RIMS1: variants seen among roughly 807,000 people sequenced by gnomAD.
RIMS1 encodes the protein regulating synaptic membrane exocytosis protein 1.
Under a neutral mutation model 214.1 loss-of-function variants are expected in RIMS1, and 83 were observed. That is an observed-to-expected ratio of 0.39 (90% CI 0.32 to 0.47). RIMS1 has a LOEUF of 0.47. Ranked by LOEUF, RIMS1 falls within the 20% of genes least tolerant of loss-of-function variation. The probability of loss-of-function intolerance (pLI) is 0.99; values close to 1 mark genes in which losing one functional copy is unlikely to be tolerated. For synonymous variants in RIMS1, 793 were observed against 786.8 expected, an observed-to-expected ratio of 1.01 and a Z score of -0.13; for missense variants, 2,050 against 2,161.8, an observed-to-expected ratio of 0.95 and a Z score of 1.03.
intron 1 of RIMS1, among the ~76,000 whole-genome samples, chr6:71,939,969 C>T (rs186242723): frequency 1.3e-5 from 2 of 152,278 alleles, no homozygotes; most frequent in African/African-American, 4.8e-5. Flanking sequence ...TGAACTTAGA[C>T]AAATTAATAA....
intron 2 of RIMS1, among the ~76,000 whole-genome samples, chr6:72,070,701 G>A (rs1030556133): frequency 6.6e-6 from 1 of 152,170 alleles, no homozygotes; most frequent in Non-Finnish European, 1.5e-5. Context: ...TGGGGGTAGA[G>A]CCGCAACTTT....
chr6:71,921,441 G>A (rs990688656), intron 1 of RIMS1, among the ~76,000 whole-genome samples: 5 of 152,132 alleles, frequency 3.3e-5, no homozygotes, highest in Admixed American at 2.6e-4. Context: ...CTACTTTCTT[G>A]TCAAAGGGAA....
chr6:72,234,243 A>G (rs951758416), intron 7 of RIMS1, among the ~76,000 whole-genome samples: 10 of 152,136 alleles, frequency 6.6e-5, no homozygotes, highest in African/African-American at 2.2e-4. Flanking sequence ...CAAATGAAAT[A>G]TAGTTCTAAA....
At chr6:72,047,835 G>A (rs1823483676) in intron 2 of RIMS1, among the ~76,000 whole-genome samples, 1 of 152,168 alleles carries the variant, frequency 6.6e-6, no homozygotes, top group African/African-American at 2.4e-5. Flanking sequence ...GACTGAATAA[G>A]TCAGTTGGAT....
chr6:71,921,673 A>C (rs1031762928), intron 1 of RIMS1, among the ~76,000 whole-genome samples: 2 of 152,236 alleles, frequency 1.3e-5, no homozygotes, highest in African/African-American at 2.4e-5. Flanking sequence ...GGCTTTTTTC[A>C]TAAGTAGTGA....
intron 4 of RIMS1, among the ~76,000 whole-genome samples, chr6:72,125,239 C>G (rs1441505780): frequency 6.6e-6 from 1 of 152,154 alleles, no homozygotes; most frequent in Non-Finnish European, 1.5e-5. Flanking sequence ...AGTTGGGACC[C>G]TCAGCTACAG....
chr6:72,344,560 G>A (rs1213160684), intron 29 of RIMS1, among the ~76,000 whole-genome samples: 1 of 151,600 alleles, frequency 6.6e-6, no homozygotes, highest in Non-Finnish European at 1.5e-5. Flanking sequence ...TTCATTTAAT[G>A]GCACAAGAAA....
At chr6:72,217,909 A>G (rs1298287426) in intron 6 of RIMS1, among the ~76,000 whole-genome samples, 1 of 152,112 alleles carries the variant, frequency 6.6e-6, no homozygotes, top group Admixed American at 6.5e-5. Flanking sequence ...CTAGTGACTA[A>G]CCCCTTCTGG....
chr6:72,321,809 TC>T (rs1201463710), intron 28 of RIMS1, among the ~76,000 whole-genome samples: 1 of 152,066 alleles, frequency 6.6e-6, no homozygotes, highest in South Asian at 2.1e-4. Flanking sequence ...TCACCAAGAA[TC>T]AGTTATCCCC....
At position 72,395,345 on chromosome 6, in the gene RIMS1, C is replaced by A. The variant is rs532036567; in HGVS notation, c.4618+2535C>A. 4.6e-5 allele frequency among the ~76,000 whole-genome samples: 7 copies of A among 152,054 alleles called. No homozygotes were observed. The East Asian group carries it at 1.3e-3, about 29-fold the overall frequency. On this transcript the variant is annotated intron_variant, in intron 31 of 33. Transcript: ENST00000521978. ...TACAAAACAAACAAACAAGGAAAAGCTTCTTCATGCAATTTCAGGACATCA... is the reference window on the plus strand; with the variant it reads ...TACAAAACAAACAAACAAGGAAAAGATTCTTCATGCAATTTCAGGACATCA...
chr6:72,155,234 C>T (rs1419640160), intron 4 of RIMS1, among the ~76,000 whole-genome samples: 2 of 140,350 alleles, frequency 1.4e-5, no homozygotes, highest in African/African-American at 4.9e-5. Context: ...CTTTTTCTAT[C>T]ACATTGTCAG....
chr6:72,296,159 CTTTAAAATTAATGTTTTTTAAAAATTTTA>C (rs2094060740), intron 26 of RIMS1, among the ~76,000 whole-genome samples: 1 of 151,538 alleles, frequency 6.6e-6, no homozygotes, highest in South Asian at 2.1e-4. Flanking sequence ...GAGAAGATTA[CTTTAAAATTAATGTTTTTTAAAAATTTTA>C]TTTAAAATTA....
intron 2 of RIMS1, among the ~76,000 whole-genome samples, chr6:72,034,399 A>G (rs1337007276): frequency 3.9e-5 from 6 of 152,130 alleles, no homozygotes; most frequent in Admixed American, 3.9e-4. Context: ...TGTAAGGATG[A>G]TTCACAAATA....
At chr6:72,153,006 ATGTATATATATGTGTGTG>A (rs1251620201) in intron 4 of RIMS1, among the ~76,000 whole-genome samples, 1 of 27,868 alleles carries the variant, frequency 3.6e-5, no homozygotes, top group Non-Finnish European at 8.1e-5. Context: ...ATGTTTATAT[ATGTATATATATGTGTGTG>A]TGTATATATG....
At chr6:72,096,226 C>A (rs1329490020) in intron 2 of RIMS1, among the ~76,000 whole-genome samples, 1 of 152,126 alleles carries the variant, frequency 6.6e-6, no homozygotes. Flanking sequence ...AAAAATTGAA[C>A]TATGTAAAAA....
intron 26 of RIMS1, among the ~76,000 whole-genome samples, chr6:72,293,763 T>A (rs991853718): frequency 1.3e-5 from 2 of 151,810 alleles, no homozygotes; most frequent in African/African-American, 2.4e-5. Context: ...TTTGGTTTTT[T>A]AAAAAAGCTC....
At chr6:72,289,201 G>A (rs1345379904) in intron 24 of RIMS1, among the ~76,000 whole-genome samples, 1 of 152,124 alleles carries the variant, frequency 6.6e-6, no homozygotes, top group Non-Finnish European at 1.5e-5. Context: ...CAGTACTAAG[G>A]TGAAAACTGT....
intron 29 of RIMS1, among the ~76,000 whole-genome samples, chr6:72,340,566 G>C (rs961865129): frequency 2.4e-4 from 37 of 151,860 alleles, no homozygotes; most frequent in Non-Finnish European, 4.0e-4. Flanking sequence ...TCTTGTTTTT[G>C]TCAGGTTTGT....
At chr6:72,266,106 T>C in intron 22 of RIMS1, 57 bp downstream of exon 22, 1 of 1,272,712 alleles carries the variant, frequency 7.9e-7, no homozygotes, top group Non-Finnish European at 1.1e-6. Context: ...TTTTTTTCAG[T>C]CACTTTGTTT....
Sources: allele counts gnomAD v4.1 joint callset (sites outside exome capture counted in the v4.1 genomes callset), GRCh38; gene constraint gnomAD v4.1.1; transcripts MANE v1.5; gene names NCBI Gene and HGNC (gene_info 2026-07-23, HGNC 2026-07-21).